The following AGO2 variants were observed in gnomAD, a reference collection of about 807,000 sequenced individuals.
AGO2 encodes protein argonaute-2.
A neutral mutation model predicts 102.3 loss-of-function variants in AGO2; 5 were observed. The observed-to-expected ratio is 0.05, with a 90% CI of 0.03 to 0.10. The LOEUF is 0.10. Among genes scored for constraint, AGO2 ranks in the 10% least tolerant of loss-of-function variants. The probability of loss-of-function intolerance (pLI) is 1.00; values close to 1 mark genes in which losing one functional copy is unlikely to be tolerated. For synonymous variants in AGO2, 449 were observed against 473.1 expected (o/e 0.95, Z 0.66); for missense variants, 541 against 1,183.7 (o/e 0.46, Z 7.97).
At chr8:140,596,843 C>T (rs1307142056) in intron 1 of AGO2, among the ~76,000 whole-genome samples, 1 of 152,138 alleles carries the variant, frequency 6.6e-6, no homozygotes, top group African/African-American at 2.4e-5. Context: ...CCCACGTCAT[C>T]GCATGGCTGC....
upstream of AGO2, among the ~76,000 whole-genome samples, chr8:140,640,366 T>C (rs1249926714): frequency 6.6e-6 from 1 of 152,132 alleles, no homozygotes; most frequent in Admixed American, 6.5e-5. Context: ...CTGTATTTTT[T>C]TCAGGCAGGC....
chr8:140,602,940 A>G (rs1045801347), intron 1 of AGO2, among the ~76,000 whole-genome samples: 4 of 152,260 alleles, frequency 2.6e-5, no homozygotes, highest in Middle Eastern at 3.2e-3. Flanking sequence ...ACTTCCTCAG[A>G]GGACTGAAGA....
intron 16 of AGO2, among the ~76,000 whole-genome samples, chr8:140,538,968 G>C (rs915082677): frequency 7.9e-5 from 12 of 152,146 alleles, no homozygotes; most frequent in Non-Finnish European, 1.3e-4. Context: ...ACCAGGTGTG[G>C]TGGTGCATGC....
intron 3 of AGO2, among the ~76,000 whole-genome samples, chr8:140,563,224 A>C (rs1372333811): frequency 6.6e-6 from 1 of 152,190 alleles, no homozygotes; most frequent in Non-Finnish European, 1.5e-5. Context: ...GACCCCAGCA[A>C]GGGAAAATTC....
rs577497878 is a variant in AGO2 at position 140,601,147 on chromosome 8, G to C, written c.23-15836C>G. ...CCCAGTGGCATCTCATCTGCACCTG[G>C]AGACAGCCAGGTTCCCACGGGTTCC... On this transcript the variant is annotated intron_variant, in intron 1 of 18. Coordinates refer to ENST00000220592, the MANE Select transcript of AGO2 (RefSeq NM_012154.5). Among the ~76,000 whole-genome samples the C allele has an allele frequency of 4.3e-3, 660 of 152,238 alleles. 9 individuals carry two copies. Among genetic ancestry groups the C allele is most frequent in the African/African-American group, 0.015 (615 of 41,530 alleles).
At chr8:140,635,642 G>A (rs893009901), upstream of AGO2, 43 of 529,134 alleles carry the variant, frequency 8.1e-5, no homozygotes, top group Non-Finnish European at 1.0e-4. Context: ...AGGTTTACCC[G>A]ACGCGGCCGG....
rs1433503045 is a variant in AGO2 at position 140,589,154 on chromosome 8, A to T, written c.23-3843T>A. On this transcript the variant is annotated intron_variant, in intron 1 of 18. Transcript: ENST00000220592. This position sits in a 1 kb window ranked among gnomAD's most constrained non-coding sequence, Gnocchi z 4.2. ...CTTTTCAGGGAGGGATGTGGAGCAG[A>T]CTCTGTGCCACCTGCCCTGAGGGCC... Among the ~76,000 whole-genome samples, 1 of 152,156 alleles carries T rather than the reference A, an allele frequency of 6.6e-6. No individual in the cohort carries two copies. The highest frequency in any genetic ancestry group is 2.4e-5 in the African/African-American group (1 of 41,440).
intron 3 of AGO2, among the ~76,000 whole-genome samples, chr8:140,566,269 T>C (rs993924997): frequency 6.6e-6 from 1 of 152,162 alleles, no homozygotes; most frequent in African/African-American, 2.4e-5. Context: ...TCTTCGTCAT[T>C]CTCTCTTGCT....
rs1479036433 is a variant in AGO2 at position 140,521,506 on chromosome 8, ATTC to A, written c.*10535_*10537del. The A allele has an allele frequency of 6.6e-6, 1 of 152,278 alleles. No individual in the cohort carries two copies. Among genetic ancestry groups the A allele is most frequent in the African/African-American group, 2.4e-5 (1 of 41,486 alleles). 9.4% of individuals were successfully genotyped at this position (152,278 alleles called of 1,614,324 possible). On this transcript the variant is annotated 3_prime_UTR_variant, in exon 19 of 19. Transcript: ENST00000220592. ...TTATTTCTTATTGGTATAAAATCAA[ATTC>A]TTAAGACTCCAAAATATTGTTACCT...
intron 16 of AGO2, among the ~76,000 whole-genome samples, chr8:140,538,657 G>A (rs114319222): frequency 1.3e-3 from 194 of 152,274 alleles, no homozygotes; most frequent in African/African-American, 3.8e-3. Flanking sequence ...GGGAGGGTCC[G>A]AGTTTGCACC....
At chr8:140,558,412 G>A in intron 7 of AGO2, 73 bp downstream of exon 7, 1 of 1,482,156 alleles carries the variant, frequency 6.7e-7, no homozygotes. Context: ...ACAGAATCAT[G>A]GCTCCAGAGT....
intron 1 of AGO2, among the ~76,000 whole-genome samples, chr8:140,602,151 A>G (rs969201546): frequency 1.3e-5 from 2 of 152,266 alleles, no homozygotes; most frequent in African/African-American, 4.8e-5. Flanking sequence ...TGTTTTCCAC[A>G]TGAACACATG....
At chr8:140,532,218 G>A in intron 18 of AGO2, 66 bp from the exon 19 acceptor site, 3 of 1,497,208 alleles carry the variant, frequency 2.0e-6, no homozygotes, top group Middle Eastern at 2.0e-4. Flanking sequence ...GCAGTGCGTC[G>A]ATCACTAAGT....
At chr8:140,605,342 C>G (rs1383916191) in intron 1 of AGO2, among the ~76,000 whole-genome samples, 2 of 152,204 alleles carry the variant, frequency 1.3e-5, no homozygotes, top group African/African-American at 2.4e-5. Context: ...AGCAATCTGC[C>G]TGCGTCAGCT....
upstream of AGO2, chr8:140,637,142 A>G: frequency 6.6e-6 from 1 of 151,970 alleles, no homozygotes; most frequent in East Asian, 1.9e-4. Context: ...CATCCCTTAA[A>G]CTGCACTTTT....
chr8:140,565,651 AAAAG>A (rs1334963319), intron 3 of AGO2, among the ~76,000 whole-genome samples: 19 of 148,628 alleles, frequency 1.3e-4, no homozygotes, highest in Non-Finnish European at 1.0e-4. Context: ...CAAAAAAAAA[AAAAG>A]AAGAAGAAGA....
intron 1 of AGO2, among the ~76,000 whole-genome samples, chr8:140,591,533 A>G (rs570690408): frequency 6.6e-6 from 1 of 152,374 alleles, no homozygotes; most frequent in East Asian, 1.9e-4. Flanking sequence ...CAGCGTGCAC[A>G]GGAAGAGCAT....
intron 12 of AGO2, among the ~76,000 whole-genome samples, chr8:140,548,009 C>T (rs923248521): frequency 3.3e-5 from 5 of 152,198 alleles, no homozygotes; most frequent in African/African-American, 1.2e-4. Context: ...GACTTGGCTC[C>T]CTGCTTAGGA....
chr8:140,552,740 G>GCGCGCGCGCACACACA (rs111262864), intron 10 of AGO2, among the ~76,000 whole-genome samples: 2 of 130,974 alleles, frequency 1.5e-5, no homozygotes, highest in East Asian at 2.1e-4. Flanking sequence ...GCGCGCGCGC[G>GCGCGCGCGCACACACA]CACACACACA....
Sources: allele counts gnomAD v4.1 joint callset (sites outside exome capture counted in the v4.1 genomes callset), GRCh38; gene constraint gnomAD v4.1.1; non-coding constraint Gnocchi (gnomAD v3.1); transcripts MANE v1.5; gene names NCBI Gene and HGNC (gene_info 2026-07-23, HGNC 2026-07-21).